PRKCA: variants seen among roughly 807,000 people sequenced by gnomAD.
PRKCA encodes protein kinase C alpha, also known as protein kinase C alpha type.
Under a neutral mutation model 87.0 loss-of-function variants are expected in PRKCA, and 27 were observed. The observed-to-expected ratio is 0.31, with a 90% CI of 0.23 to 0.43. The LOEUF (loss-of-function observed/expected upper bound fraction) is 0.43. Ranked by LOEUF, PRKCA falls within the 20% of genes least tolerant of loss-of-function variation. The pLI is 1.00. For missense variants in PRKCA, 518 were observed against 852.3 expected, an observed-to-expected ratio of 0.61 and a Z score of 4.88; for synonymous variants, 329 against 311.1, an observed-to-expected ratio of 1.06 and a Z score of -0.61.
chr17:66,805,419 C>T lies in PRKCA; in HGVS notation c.*1382C>T, dbSNP rs547890651. The T allele has an allele frequency of 6.5e-6, 1 of 153,330 alleles. No individual in the cohort carries two copies. The highest frequency in any genetic ancestry group is 2.1e-4 in the South Asian group (1 of 4,840). The allele number at this position is 153,330 out of a possible 1,614,324, so 9.5% of individuals were successfully genotyped here. ...TTTGTGCAGGTTCTTGTTTCTAATC[C>T]TCTTTTCTAATTAAGTTTTAGCTGA... On this transcript the variant is annotated 3_prime_UTR_variant, in exon 17 of 17. Coordinates refer to ENST00000413366, the MANE Select transcript of PRKCA (RefSeq NM_002737.3).
At chr17:66,766,747 G>A (rs1338129106) in intron 13 of PRKCA, among the ~76,000 whole-genome samples, 1 of 150,680 alleles carries the variant, frequency 6.6e-6, no homozygotes, top group Admixed American at 6.6e-5. Context: ...GGCAGAGGTT[G>A]CAGTGAGCAG....
intron 5 of PRKCA, among the ~76,000 whole-genome samples, chr17:66,653,397 A>G (rs992005395): frequency 5.5e-5 from 8 of 146,444 alleles, no homozygotes; most frequent in Non-Finnish European, 1.2e-4. Flanking sequence ...AGTTTGAGAC[A>G]AGTCTGGGCA....
At chr17:66,566,838 GGA>G (rs1338754121) in intron 3 of PRKCA, among the ~76,000 whole-genome samples, 1 of 152,122 alleles carries the variant, frequency 6.6e-6, no homozygotes, top group Non-Finnish European at 1.5e-5. Context: ...GTAAGTCCAA[GGA>G]GAGCTTGGGG....
intron 3 of PRKCA, among the ~76,000 whole-genome samples, chr17:66,507,034 T>G (rs1414539903): frequency 6.6e-6 from 1 of 152,212 alleles, no homozygotes; most frequent in Admixed American, 6.5e-5. Flanking sequence ...TTAGCGTCTC[T>G]TATGTGTCTG....
At chr17:66,725,890 C>T (rs1350212232) in intron 8 of PRKCA, among the ~76,000 whole-genome samples, 2 of 151,774 alleles carry the variant, frequency 1.3e-5, no homozygotes, top group Non-Finnish European at 2.9e-5. Flanking sequence ...TTGAGAAGTT[C>T]ATTCCTGAAG....
At chr17:66,368,360 A>T (rs398041509) in intron 2 of PRKCA, among the ~76,000 whole-genome samples, 1 of 56,854 alleles carries the variant, frequency 1.8e-5, no homozygotes, top group African/African-American at 6.1e-5. Flanking sequence ...GTGTGTGTGT[A>T]TATGTATATA....
intron 15 of PRKCA, among the ~76,000 whole-genome samples, chr17:66,787,404 T>C (rs1453309797): frequency 6.6e-6 from 1 of 152,200 alleles, no homozygotes; most frequent in Non-Finnish European, 1.5e-5. Flanking sequence ...TCTGGCCCAG[T>C]CACCTAATGA....
At position 66,704,871 on chromosome 17, in the gene PRKCA, T is replaced by A. The variant is rs113193182; in HGVS notation, c.918+15824T>A. ...AGAGCAAGCAAGCATTTTTCTCTTT[T>A]ATCAGAATTAGATTTTCCCAAAGCC... is the stretch of plus-strand genomic sequence containing the variant. On this transcript the variant is annotated intron_variant, in intron 8 of 16. Transcript: ENST00000413366. Among the ~76,000 whole-genome samples, 175 of 152,368 alleles carry A rather than the reference T, an allele frequency of 1.1e-3. 1 individual carries two copies. Among genetic ancestry groups the A allele is most frequent in the African/African-American group, 4.0e-3 (166 of 41,584 alleles).
At chr17:66,655,127 A>G (rs1473370631) in intron 5 of PRKCA, among the ~76,000 whole-genome samples, 1 of 152,236 alleles carries the variant, frequency 6.6e-6, no homozygotes, top group African/African-American at 2.4e-5. Context: ...TAGCTAAAAC[A>G]TACAGCGGTG....
At chr17:66,506,299 A>T (rs1426227987) in intron 3 of PRKCA, among the ~76,000 whole-genome samples, 1 of 152,118 alleles carries the variant, frequency 6.6e-6, no homozygotes, top group African/African-American at 2.4e-5. Context: ...CCGTCTAAAA[A>T]AAAAAAAAAT....
chr17:66,427,292 A>G (rs1049696922), intron 2 of PRKCA, among the ~76,000 whole-genome samples: 3 of 152,220 alleles, frequency 2.0e-5, no homozygotes, highest in East Asian at 1.9e-4. Context: ...TTGGCCTCCC[A>G]AAGTGCTGGG....
intron 3 of PRKCA, among the ~76,000 whole-genome samples, chr17:66,553,055 C>T (rs987863340): frequency 1.3e-5 from 2 of 151,544 alleles, no homozygotes; most frequent in Non-Finnish European, 2.9e-5. Flanking sequence ...GATCTTGGCT[C>T]ACTGCAACCT....
intron 3 of PRKCA, among the ~76,000 whole-genome samples, chr17:66,562,699 C>A (rs928125149): frequency 6.6e-6 from 1 of 152,022 alleles, no homozygotes; most frequent in Non-Finnish European, 1.5e-5. Flanking sequence ...TGGGTTCAAG[C>A]GATTCTTCTG....
intron 3 of PRKCA, among the ~76,000 whole-genome samples, chr17:66,557,817 C>A (rs991121572): frequency 1.1e-4 from 17 of 152,170 alleles, no homozygotes; most frequent in African/African-American, 4.1e-4. Context: ...AGATTTTCTA[C>A]AGGCCTGTGA....
At chr17:66,632,707 T>C (rs2143755069) in intron 3 of PRKCA, among the ~76,000 whole-genome samples, 1 of 152,344 alleles carries the variant, frequency 6.6e-6, no homozygotes, top group East Asian at 1.9e-4. Context: ...CATTAGACAA[T>C]ATATCTTAGA....
intron 3 of PRKCA, among the ~76,000 whole-genome samples, chr17:66,517,843 C>T (rs1967017581): frequency 6.6e-6 from 1 of 152,150 alleles, no homozygotes; most frequent in Non-Finnish European, 1.5e-5. Context: ...GCAGTTTCTG[C>T]TTATCAGTTT....
At chr17:66,703,910 A>G (rs1392258237) in intron 8 of PRKCA, 1 of 152,244 alleles carries the variant, frequency 6.6e-6, no homozygotes, top group Non-Finnish European at 1.5e-5. Flanking sequence ...ACTATACATA[A>G]TTGTGCTGTA....
chr17:66,466,667 G>A (rs8073985), intron 2 of PRKCA, among the ~76,000 whole-genome samples: 9,696 of 152,124 alleles, frequency 0.064, 1,029 homozygotes, highest in African/African-American at 0.22. Context: ...TCTAAACATC[G>A]TTCTTTTCTT....
chr17:66,726,865 C>T (rs993657121), intron 8 of PRKCA, among the ~76,000 whole-genome samples: 3 of 152,050 alleles, frequency 2.0e-5, no homozygotes, highest in Non-Finnish European at 2.9e-5. Flanking sequence ...GCTGGGACTA[C>T]AGGCGCCCAC....
Sources: allele counts gnomAD v4.1 joint callset (sites outside exome capture counted in the v4.1 genomes callset), GRCh38; gene constraint gnomAD v4.1.1; transcripts MANE v1.5; gene names NCBI Gene and HGNC (gene_info 2026-07-23, HGNC 2026-07-21).